Variants in SORCS1 observed in about 807,000 individuals in gnomAD.
SORCS1 encodes the protein VPS10 domain-containing receptor SorCS1.
In SORCS1, 60 loss-of-function variants were observed where a neutral mutation model predicts 146.1. The ratio of observed to expected loss-of-function variants is 0.41; its 90% confidence interval spans 0.33 to 0.51. The LOEUF (loss-of-function observed/expected upper bound fraction) is 0.51, where lower values mean the gene tolerates loss of function less well. Among genes scored for constraint, SORCS1 ranks in the 20% least tolerant of loss-of-function variants. The pLI, the probability that SORCS1 is intolerant of heterozygous loss-of-function variation, is 0.21. For synonymous variants in SORCS1, 637 were observed against 584.0 expected (o/e 1.09, Z -1.31); for missense variants, 1,352 against 1,487.6 (o/e 0.91, Z 1.50).
chr10:106,848,003 A>C (rs1307473534), intron 2 of SORCS1, among the ~76,000 whole-genome samples: 3 of 145,056 alleles, frequency 2.1e-5, no homozygotes, highest in East Asian at 2.0e-4. Flanking sequence ...CTTTACTTCC[A>C]ACTATGTGGT....
chr10:107,048,095 A>C (rs1385762552), intron 1 of SORCS1, among the ~76,000 whole-genome samples: 3 of 151,932 alleles, frequency 2.0e-5, no homozygotes, highest in African/African-American at 4.8e-5. Flanking sequence ...AACAACAACA[A>C]AAAGACTTTA....
chr10:106,952,393 C>T (rs777133978), intron 2 of SORCS1, among the ~76,000 whole-genome samples: 1 of 151,988 alleles, frequency 6.6e-6, no homozygotes, highest in Non-Finnish European at 1.5e-5. Flanking sequence ...AACCATAAGG[C>T]TTTCTCTTCC....
chr10:106,609,594 G>A (rs1013469913), intron 22 of SORCS1, among the ~76,000 whole-genome samples: 1 of 152,144 alleles, frequency 6.6e-6, no homozygotes, highest in Non-Finnish European at 1.5e-5. Flanking sequence ...TGCTTCTTGG[G>A]ATTGGGTGAC....
chr10:107,096,254 G>A (rs896400160), intron 1 of SORCS1, among the ~76,000 whole-genome samples: 6 of 152,338 alleles, frequency 3.9e-5, no homozygotes, highest in Middle Eastern at 3.4e-3. Flanking sequence ...GGAATAAGAC[G>A]TTGAAGCCTT....
chr10:106,821,489 T>TG (rs925224641), intron 3 of SORCS1, among the ~76,000 whole-genome samples: 4 of 152,238 alleles, frequency 2.6e-5, no homozygotes, highest in Non-Finnish European at 4.4e-5. Flanking sequence ...CATACAGATA[T>TG]AACTTAGTTT....
At position 106,750,916 on chromosome 10, in the gene SORCS1, T is replaced by C. The variant is rs1298686567; in HGVS notation, c.959+10672A>G. On this transcript the variant is annotated intron_variant, in intron 5 of 25. Transcript: ENST00000263054. Reference sequence around the variant, plus strand: ...CTACTAAAAATATAAAAAAATCAGCTGGGCGTGGTGGCGGGCGCCGTAGTC... The same window carrying C: ...CTACTAAAAATATAAAAAAATCAGCCGGGCGTGGTGGCGGGCGCCGTAGTC... Among the ~76,000 whole-genome samples the C allele has an allele frequency of 3.6e-5, 5 of 140,460 alleles. No individual in the cohort carries two copies. In the East Asian group the frequency reaches 8.8e-4, roughly 25 times the overall value. 92.1% of individuals were successfully genotyped at this position (140,460 alleles called of 152,430 possible).
intron 1 of SORCS1, among the ~76,000 whole-genome samples, chr10:107,094,697 G>A (rs1186196283): frequency 4.6e-5 from 7 of 152,186 alleles, no homozygotes; most frequent in Non-Finnish European, 7.3e-5. Flanking sequence ...TCAGTAGTTG[G>A]TAATATCAGA....
intron 1 of SORCS1, among the ~76,000 whole-genome samples, chr10:107,142,967 T>C (rs1243078716): frequency 6.6e-6 from 1 of 152,196 alleles, no homozygotes; most frequent in Non-Finnish European, 1.5e-5. Context: ...ACATATGTTA[T>C]ACCTCCAGAA....
intron 5 of SORCS1, 56 bp downstream of exon 5, chr10:106,761,532 A>C (rs370253706): frequency 6.8e-5 from 100 of 1,467,786 alleles, no homozygotes; most frequent in Non-Finnish European, 7.5e-5. Context: ...GGCATTTACT[A>C]GGTCATATCT....
At chr10:106,645,766 ATTATT>A (rs1849381586) in intron 18 of SORCS1, among the ~76,000 whole-genome samples, 1 of 152,006 alleles carries the variant, frequency 6.6e-6, no homozygotes, top group Non-Finnish European at 1.5e-5. Context: ...AAATAATTTT[ATTATT>A]TTATTACTGT....
intron 1 of SORCS1, among the ~76,000 whole-genome samples, chr10:107,124,883 T>C (rs895627890): frequency 6.6e-6 from 1 of 151,978 alleles, no homozygotes; most frequent in South Asian, 2.1e-4. Flanking sequence ...CAAAATGCAA[T>C]TGTGGAAAGC....
upstream of SORCS1, among the ~76,000 whole-genome samples, chr10:107,164,968 C>G (rs1396852592): frequency 6.6e-6 from 1 of 150,608 alleles, no homozygotes; most frequent in African/African-American, 2.4e-5. The surrounding 1 kb of genome is among the most constrained non-coding windows in gnomAD (Gnocchi z 6.8). Context: ...GCCCCCGCGG[C>G]CGCGGGTCCC....
chr10:106,988,301 T>C (rs1454711790), intron 1 of SORCS1, among the ~76,000 whole-genome samples: 1 of 152,206 alleles, frequency 6.6e-6, no homozygotes, highest in Non-Finnish European at 1.5e-5. Context: ...TTTTTTCAGA[T>C]GTGTAACAGA....
At chr10:106,764,274 C>G (rs989616729) in intron 4 of SORCS1, among the ~76,000 whole-genome samples, 1 of 152,156 alleles carries the variant, frequency 6.6e-6, no homozygotes, top group Non-Finnish European at 1.5e-5. Flanking sequence ...AATTAATTGT[C>G]CAGCCTGGTG....
chr10:106,592,339 G>C (rs905911325), intron 24 of SORCS1, among the ~76,000 whole-genome samples: 1 of 152,152 alleles, frequency 6.6e-6, no homozygotes, highest in Non-Finnish European at 1.5e-5. Flanking sequence ...TGGTGGGTGG[G>C]GGGCAGACAC....
chr10:107,060,447 A>C lies in SORCS1; in HGVS notation c.558+103522T>G, dbSNP rs17122013. 5.8e-3 allele frequency among the ~76,000 whole-genome samples: 879 copies of C among 152,144 alleles called. 6 individuals are homozygous for C. The highest frequency in any genetic ancestry group is 0.02 in the African/African-American group (835 of 41,434). On this transcript the variant is annotated intron_variant, in intron 1 of 25. Coordinates refer to ENST00000263054, the MANE Select transcript of SORCS1 (RefSeq NM_052918.5). This position sits in a 1 kb window ranked among gnomAD's most constrained non-coding sequence, Gnocchi z 4.1. The stretch of plus-strand genomic sequence containing the variant: ...TTTTTTATTGTCATGTACTTAGTGA[A>C]GCCTCAGACGTAGCAAACCTAAAAA...
chr10:106,929,118 ATGCTTCAGTAGTTAAGAAC>A (rs1436484202), intron 2 of SORCS1, among the ~76,000 whole-genome samples: 1 of 152,178 alleles, frequency 6.6e-6, no homozygotes, highest in African/African-American at 2.4e-5. Context: ...CTCCATGAAT[ATGCTTCAGTAGTTAAGAAC>A]TGCTTCATGT....
At chr10:106,838,384 C>T (rs1948875686) in intron 2 of SORCS1, among the ~76,000 whole-genome samples, 1 of 152,146 alleles carries the variant, frequency 6.6e-6, no homozygotes, top group African/African-American at 2.4e-5. Flanking sequence ...TTATCAATAT[C>T]CTCCTTCAGA....
intron 18 of SORCS1, among the ~76,000 whole-genome samples, chr10:106,636,071 G>A (rs1368755974): frequency 6.6e-6 from 1 of 152,172 alleles, no homozygotes; most frequent in Non-Finnish European, 1.5e-5. Context: ...TGCATGGCAT[G>A]CGACTTTGTA....
Sources: gnomAD v4.1 joint callset for allele counts (sites outside exome capture counted in the v4.1 genomes callset) on GRCh38, gnomAD v4.1.1 for gene constraint, Gnocchi (gnomAD v3.1) non-coding constraint, MANE v1.5 for transcripts, NCBI Gene and HGNC (gene_info 2026-07-23, HGNC 2026-07-21) for gene names.